The following TNIK variants were observed in gnomAD, a reference collection of about 807,000 sequenced individuals.
TNIK encodes the protein TRAF2 and NCK-interacting protein kinase.
TNIK carries 49 observed loss-of-function variants against 191.3 expected under a neutral mutation model. The ratio of observed to expected loss-of-function variants is 0.26; its 90% CI spans 0.20 to 0.32. TNIK has a LOEUF of 0.32. TNIK is among the 10% of genes least tolerant of loss of function. The pLI, the probability that TNIK is intolerant of heterozygous loss-of-function variation, is 1.00. For missense variants in TNIK, 1,155 were observed against 1,702.3 expected, an observed-to-expected ratio of 0.68 and a Z score of 5.66; for synonymous variants, 594 against 600.9, an observed-to-expected ratio of 0.99 and a Z score of 0.17.
chr3:171,154,685 T>G (rs534666419), intron 12 of TNIK, among the ~76,000 whole-genome samples: 1 of 152,252 alleles, frequency 6.6e-6, no homozygotes, highest in Non-Finnish European at 1.5e-5. Flanking sequence ...ATTTTGTTTA[T>G]GCCAAGTAAT....
chr3:171,251,245 T>C (rs2109082586), intron 2 of TNIK, among the ~76,000 whole-genome samples: 1 of 152,198 alleles, frequency 6.6e-6, no homozygotes, highest in South Asian at 2.1e-4. Context: ...GACACAGATA[T>C]GAGAACTTCC....
intron 22 of TNIK, among the ~76,000 whole-genome samples, chr3:171,096,535 T>C (rs937334031): frequency 6.6e-6 from 1 of 152,178 alleles, no homozygotes; most frequent in African/African-American, 2.4e-5. Context: ...ATTTAACTTA[T>C]AAAAGTTTCC....
At chr3:171,120,653 G>A (rs938426490) in intron 18 of TNIK, among the ~76,000 whole-genome samples, 1 of 152,018 alleles carries the variant, frequency 6.6e-6, no homozygotes, top group Non-Finnish European at 1.5e-5. Flanking sequence ...CACAACAGTG[G>A]TTTATTTCTC....
At chr3:171,232,120 A>G (rs1195312064) in intron 2 of TNIK, among the ~76,000 whole-genome samples, 2 of 152,160 alleles carry the variant, frequency 1.3e-5, no homozygotes, top group African/African-American at 2.4e-5. Context: ...CAGTACCCCA[A>G]TTCTAATTTA....
intron 22 of TNIK, among the ~76,000 whole-genome samples, chr3:171,099,616 A>T (rs1247490559): frequency 6.6e-6 from 1 of 152,180 alleles, no homozygotes; most frequent in Non-Finnish European, 1.5e-5. Context: ...AACAATCCTG[A>T]TTCAAGGCAC....
At chr3:171,243,582 T>C (rs1043713720) in intron 2 of TNIK, among the ~76,000 whole-genome samples, 1 of 152,182 alleles carries the variant, frequency 6.6e-6, no homozygotes, top group Non-Finnish European at 1.5e-5. Context: ...ATAGACTCCT[T>C]ACTGAGCAGC....
chr3:171,381,256 G>A (rs546569069), intron 1 of TNIK, among the ~76,000 whole-genome samples: 2 of 152,128 alleles, frequency 1.3e-5, no homozygotes, highest in Non-Finnish European at 2.9e-5. Flanking sequence ...ATTTCCATGG[G>A]TGTTGAATTT....
intron 2 of TNIK, among the ~76,000 whole-genome samples, chr3:171,326,338 C>A (rs1038271207): frequency 3.9e-5 from 6 of 152,090 alleles, no homozygotes; most frequent in African/African-American, 1.4e-4. Context: ...TACTGATTCT[C>A]GTTACAGAGT....
chr3:171,440,268 T>C (rs755585459), intron 1 of TNIK, among the ~76,000 whole-genome samples: 2 of 152,144 alleles, frequency 1.3e-5, no homozygotes, highest in Non-Finnish European at 2.9e-5. Context: ...CTCGCCATCA[T>C]AGTAATGGTG....
At chr3:171,188,444 A>G (rs898597198) in intron 7 of TNIK, among the ~76,000 whole-genome samples, 4 of 152,220 alleles carry the variant, frequency 2.6e-5, no homozygotes, top group African/African-American at 9.6e-5. Flanking sequence ...AAGAAGCAAG[A>G]GTAAATTTAA....
At chr3:171,212,317 C>A (rs1411845733) in intron 3 of TNIK, among the ~76,000 whole-genome samples, 1 of 152,064 alleles carries the variant, frequency 6.6e-6, no homozygotes, top group Admixed American at 6.5e-5. Context: ...TGAGTTTAAT[C>A]GACATTCACC....
chr3:171,241,024 T>C (rs1018482213), intron 2 of TNIK, among the ~76,000 whole-genome samples: 7 of 146,962 alleles, frequency 4.8e-5, no homozygotes, highest in Admixed American at 3.3e-4. Context: ...CTGTTTCTTT[T>C]TTTTTCTTTT....
At chr3:171,419,035 TTCTTATAAGTA>T (rs1723426265) in intron 1 of TNIK, among the ~76,000 whole-genome samples, 1 of 152,146 alleles carries the variant, frequency 6.6e-6, no homozygotes, top group Admixed American at 6.5e-5. Flanking sequence ...TTGGTGTCTC[TTCTTATAAGTA>T]TATTAATCCT....
intron 2 of TNIK, among the ~76,000 whole-genome samples, chr3:171,360,736 C>T (rs1189800831): frequency 3.3e-5 from 5 of 152,204 alleles, no homozygotes; most frequent in African/African-American, 1.2e-4. Flanking sequence ...CTACTTAATT[C>T]CCCTTCCACA....
chr3:171,098,366 C>T (rs1270956961), intron 22 of TNIK, among the ~76,000 whole-genome samples: 1 of 152,110 alleles, frequency 6.6e-6, no homozygotes, highest in South Asian at 2.1e-4. Flanking sequence ...AAATAAAAAT[C>T]TCCCATAATT....
intron 2 of TNIK, among the ~76,000 whole-genome samples, chr3:171,260,103 T>G (rs1345393934): frequency 1.3e-5 from 2 of 152,096 alleles, no homozygotes; most frequent in African/African-American, 4.8e-5. Context: ...TTCCTCATCC[T>G]CCACCATGCC....
chr3:171,058,997 A>AG lies in TNIK; in HGVS notation c.*4883dup, dbSNP rs1460065351. Among the ~76,000 whole-genome samples, 1 of 152,208 alleles carries AG rather than the reference A, an allele frequency of 6.6e-6. No homozygotes were observed. Among genetic ancestry groups the AG allele is most frequent in the Non-Finnish European group, 1.5e-5 (1 of 68,032 alleles). On this transcript the variant is annotated 3_prime_UTR_variant, in exon 33 of 33. Coordinates refer to ENST00000436636, the MANE Select transcript of TNIK (RefSeq NM_015028.4). ...TATCCCAGGGGAAGAGATAAGGGAAAGGGGTAGCTGGGCATGATATTTACA... is the reference window on the plus strand; with the variant it reads ...TATCCCAGGGGAAGAGATAAGGGAAAGGGGGTAGCTGGGCATGATATTTACA...
At chr3:171,368,563 G>A (rs1225322915) in intron 2 of TNIK, among the ~76,000 whole-genome samples, 1 of 152,122 alleles carries the variant, frequency 6.6e-6, no homozygotes, top group Non-Finnish European at 1.5e-5. Context: ...TTGCAAGGGA[G>A]AATTTTCCCC....
intron 2 of TNIK, among the ~76,000 whole-genome samples, chr3:171,319,646 G>A (rs1754981580): frequency 2.0e-5 from 3 of 152,094 alleles, no homozygotes; most frequent in African/African-American, 7.2e-5. Flanking sequence ...CAATAAAATG[G>A]ATTTATGAGC....
Sources: gnomAD v4.1 joint callset for allele counts (sites outside exome capture counted in the v4.1 genomes callset) on GRCh38, gnomAD v4.1.1 for gene constraint, MANE v1.5 for transcripts, NCBI Gene and HGNC (gene_info 2026-07-23, HGNC 2026-07-21) for gene names.